The following CFAP77 variants were observed in gnomAD, a reference collection of about 807,000 sequenced individuals.
CFAP77 encodes the protein cilia- and flagella-associated protein 77.
In CFAP77, 25 loss-of-function variants were observed where a neutral mutation model predicts 31.1. The observed-to-expected ratio is 0.80, with a 90% CI of 0.59 to 1.12. CFAP77 has a LOEUF of 1.12. Among genes scored for constraint, CFAP77 ranks in the 50% most tolerant of loss-of-function variants. The pLI is 0.00. For missense variants in CFAP77, 377 were observed against 397.3 expected, an observed-to-expected ratio of 0.95 and a Z score of 0.44; for synonymous variants, 151 against 159.9, an observed-to-expected ratio of 0.94 and a Z score of 0.42.
chr9:132,498,767 C>A lies in CFAP77; in HGVS notation c.268C>A (p.Arg90=), dbSNP rs145473792. 1 of 1,610,958 alleles carries A rather than the reference C, an allele frequency of 6.2e-7. No individual in the cohort carries two copies. Among genetic ancestry groups the A allele is most frequent in the African/African-American group, 1.3e-5 (1 of 74,908 alleles). The stretch of plus-strand genomic sequence containing the variant: ...TAATTTTAATTATGGACTCTACATC[C>A]GAGGGCTTGACGGAGGAGTCCCTGA... ...GINFNYGLYI[R]GLDGGVPEAI... Residue 90 remains arginine, a synonymous_variant, in exon 2 of 6, where the codon CGA becomes AGA. Coordinates refer to ENST00000393216, the MANE Select transcript of CFAP77 (RefSeq NM_001282957.2). The surrounding 1 kb of genome is among the most constrained non-coding windows in gnomAD (Gnocchi z 4.2).
intron 1 of CFAP77, among the ~76,000 whole-genome samples, chr9:132,430,682 AG>A (rs1850397265): frequency 6.6e-6 from 1 of 152,220 alleles, no homozygotes; most frequent in African/African-American, 2.4e-5. Flanking sequence ...GTCAGAAGGA[AG>A]AAGCAGCACT....
chr9:132,509,330 G>A (rs1359350019), intron 3 of CFAP77, among the ~76,000 whole-genome samples: 1 of 152,186 alleles, frequency 6.6e-6, no homozygotes, highest in Non-Finnish European at 1.5e-5. Flanking sequence ...GGGAGGTGGA[G>A]GCACTGGCTG....
At chr9:132,479,246 C>T (rs527581750) in intron 1 of CFAP77, among the ~76,000 whole-genome samples, 1 of 152,320 alleles carries the variant, frequency 6.6e-6, no homozygotes, top group African/African-American at 2.4e-5. Context: ...AAAGCATTTA[C>T]AGCACAACCC....
intron 5 of CFAP77, among the ~76,000 whole-genome samples, chr9:132,549,345 C>T (rs1242994015): frequency 6.6e-6 from 1 of 152,212 alleles, no homozygotes; most frequent in African/African-American, 2.4e-5. Flanking sequence ...CCTGTCGCTT[C>T]CTTGCATCGG....
At chr9:132,563,234 C>T (rs1303646011) in intron 5 of CFAP77, among the ~76,000 whole-genome samples, 3 of 151,786 alleles carry the variant, frequency 2.0e-5, no homozygotes, top group South Asian at 2.1e-4. Flanking sequence ...AGGCTGCTCT[C>T]GAACTTCGAG....
intron 1 of CFAP77, among the ~76,000 whole-genome samples, chr9:132,473,828 C>T (rs546031026): frequency 3.3e-5 from 5 of 152,298 alleles, no homozygotes; most frequent in South Asian, 4.1e-4. Context: ...GGATTACAGG[C>T]GTGCACCACC....
Position 132,499,374 on chromosome 9 carries a change from A to G in CFAP77, c.298A>G (p.Ile100Val). ...RGLDGGVPEA[I>V]GRWNVFKQQP... ...CGTGGGTCTCTCCCTGCCCTCAGCC[A>G]TCGGACGCTGGAACGTGTTCAAGCA... The change falls in exon 3 of 6, where the codon ATC becomes GTC. Residue 100 changes from isoleucine (I) to valine (V), a missense_variant and splice_region_variant. Physicochemically the swap from Ile to Val is conservative, Grantham distance 29. Transcript: ENST00000393216. The surrounding 1 kb of genome is among the most constrained non-coding windows in gnomAD (Gnocchi z 5.4). 6 of 1,613,902 alleles carry G rather than the reference A, an allele frequency of 3.7e-6. No individual in the cohort carries two copies. Among genetic ancestry groups the G allele is most frequent in the Non-Finnish European group, 5.1e-6 (6 of 1,179,934 alleles).
intron 1 of CFAP77, among the ~76,000 whole-genome samples, chr9:132,464,020 A>G (rs1176247924): frequency 6.6e-6 from 1 of 152,238 alleles, no homozygotes; most frequent in Non-Finnish European, 1.5e-5. Flanking sequence ...AATCACGGAA[A>G]GAGGCTGCTT....
chr9:132,543,121 C>A, intron 5 of CFAP77, 74 bp downstream of exon 5: 2 of 1,230,532 alleles, frequency 1.6e-6, no homozygotes, highest in Non-Finnish European at 2.4e-6. Flanking sequence ...TCCTTACCTG[C>A]TGTCTCTGGG....
intron 1 of CFAP77, among the ~76,000 whole-genome samples, chr9:132,459,068 A>G (rs1375406631): frequency 1.3e-5 from 2 of 148,750 alleles, no homozygotes; most frequent in Admixed American, 7.1e-5. Flanking sequence ...ACAGCCCTGA[A>G]ACTATTTTTT....
intron 1 of CFAP77, among the ~76,000 whole-genome samples, chr9:132,492,751 C>T (rs1851671147): frequency 6.6e-6 from 1 of 152,188 alleles, no homozygotes; most frequent in Non-Finnish European, 1.5e-5. Flanking sequence ...TTGATGGGCA[C>T]ATGGGCAGGT....
chr9:132,519,778 AGATGGATG>A (rs1268252199), intron 3 of CFAP77, among the ~76,000 whole-genome samples: 11 of 26,500 alleles, frequency 4.2e-4, no homozygotes, highest in East Asian at 2.0e-3. Flanking sequence ...ATGGGTGGAT[AGATGGATG>A]GATGGATGGA....
chr9:132,452,203 T>C (rs1850840364), intron 1 of CFAP77, among the ~76,000 whole-genome samples: 3 of 152,212 alleles, frequency 2.0e-5, no homozygotes, highest in Admixed American at 2.0e-4. Context: ...TGCATGTGTC[T>C]CCTCCCAGTT....
chr9:132,499,024 G>T lies in CFAP77; in HGVS notation c.295+230G>T, dbSNP rs990995998. Among the ~76,000 whole-genome samples the T allele has an allele frequency of 6.9e-6, 1 of 145,072 alleles. No individual in the cohort carries two copies. Among genetic ancestry groups the T allele is most frequent in the African/African-American group, 2.6e-5 (1 of 38,316 alleles). ...TCAGGGAACTAGCATGGGTATCCCC[G>T]CACCGCCCCCCTTCCCCGCCGCCGG... On this transcript the variant is annotated intron_variant, in intron 2 of 5. Coordinates refer to ENST00000393216, the MANE Select transcript of CFAP77 (RefSeq NM_001282957.2). The surrounding 1 kb of genome is among the most constrained non-coding windows in gnomAD (Gnocchi z 5.4).
At chr9:132,443,244 T>G (rs1850647125) in intron 1 of CFAP77, among the ~76,000 whole-genome samples, 1 of 152,084 alleles carries the variant, frequency 6.6e-6, no homozygotes, top group Non-Finnish European at 1.5e-5. Context: ...AGTTTTTTTT[T>G]TGTTTTATTT....
intron 5 of CFAP77, among the ~76,000 whole-genome samples, chr9:132,560,441 A>T (rs1365459645): frequency 3.3e-5 from 5 of 152,210 alleles, no homozygotes; most frequent in African/African-American, 1.2e-4. Context: ...GTGTTACCCA[A>T]TTATTTTGCT....
chr9:132,486,659 C>A (rs995436798), intron 1 of CFAP77, among the ~76,000 whole-genome samples: 3 of 152,250 alleles, frequency 2.0e-5, no homozygotes, highest in Non-Finnish European at 4.4e-5. Flanking sequence ...CCTAAACATG[C>A]TGTTGAGTTA....
intron 1 of CFAP77, among the ~76,000 whole-genome samples, chr9:132,496,131 CA>C (rs1010545636): frequency 6.6e-6 from 1 of 151,980 alleles, no homozygotes; most frequent in East Asian, 1.9e-4. Context: ...ATGGGGTATA[CA>C]AAAAAATCTC....
In CFAP77 at chr9:132,417,197, G is replaced by A. The variant is rs192770526; in HGVS notation, c.195+6731G>A. ...TGGCACAATCTTGGCTCACTGCAAC[G>A]TCTGCCTCCCAGGTTCAAGCAATTC... On this transcript the variant is annotated intron_variant, in intron 1 of 5. Transcript: ENST00000393216. 4.0e-5 allele frequency among the ~76,000 whole-genome samples: 6 copies of A among 150,134 alleles called. No homozygotes were observed. In the East Asian group the frequency reaches 9.9e-4, roughly 25 times the overall value.
Sources: gnomAD v4.1 joint callset for allele counts (sites outside exome capture counted in the v4.1 genomes callset) on GRCh38, gnomAD v4.1.1 for gene constraint, Gnocchi (gnomAD v3.1) non-coding constraint, MANE v1.5 for transcripts, NCBI Gene and HGNC (gene_info 2026-07-23, HGNC 2026-07-21) for gene names.